The following PDE1C variants were observed in gnomAD, a reference collection of about 807,000 sequenced individuals.
PDE1C encodes the protein dual specificity calcium/calmodulin-dependent 3',5'-cyclic nucleotide phosphodiesterase 1C.
Under a neutral mutation model 93.1 loss-of-function variants are expected in PDE1C, and 62 were observed. That is an observed-to-expected ratio of 0.67 (90% CI 0.54 to 0.82). The LOEUF (loss-of-function observed/expected upper bound fraction) is 0.82, where lower values mean the gene tolerates loss of function less well. PDE1C is among the 40% of genes least tolerant of loss of function. The probability of loss-of-function intolerance (pLI) is 0.00; values close to 1 mark genes in which losing one functional copy is unlikely to be tolerated. For synonymous variants in PDE1C, 325 were observed against 310.1 expected, an observed-to-expected ratio of 1.05 and a Z score of -0.50; for missense variants, 742 against 884.6, an observed-to-expected ratio of 0.84 and a Z score of 2.04.
chr7:32,161,484 T>C (rs1176151824), intron 3 of PDE1C, among the ~76,000 whole-genome samples: 2 of 152,224 alleles, frequency 1.3e-5, no homozygotes, highest in African/African-American at 2.4e-5. Flanking sequence ...ACAATGAAGT[T>C]ATTGCTCATG....
chr7:32,123,982 A>T (rs1299536230), intron 3 of PDE1C, among the ~76,000 whole-genome samples: 1 of 152,236 alleles, frequency 6.6e-6, no homozygotes, highest in Non-Finnish European at 1.5e-5. Flanking sequence ...AAAACTCCTT[A>T]AGCTGATAAG....
the PDE1C span, among the ~76,000 whole-genome samples, chr7:31,632,675 T>C: frequency 6.6e-6 from 1 of 152,106 alleles, no homozygotes; most frequent in African/African-American, 2.4e-5. Flanking sequence ...AAGTGAAATC[T>C]AGCAGCAGGA....
the PDE1C span, among the ~76,000 whole-genome samples, chr7:31,700,450 A>G: frequency 1.3e-5 from 2 of 152,234 alleles, no homozygotes; most frequent in African/African-American, 4.8e-5. Flanking sequence ...AATTTGATTC[A>G]TGATATTTAA....
intron 1 of PDE1C, among the ~76,000 whole-genome samples, chr7:32,223,204 G>T (rs17161047): frequency 0.019 from 2,954 of 152,224 alleles, 110 homozygotes; most frequent in African/African-American, 0.067. Flanking sequence ...TCTCAAATCT[G>T]CCAAATGTAT....
At chr7:31,692,548 G>T in the PDE1C span, 1 of 1,564,410 alleles carries the variant, frequency 6.4e-7, no homozygotes, top group Non-Finnish European at 8.8e-7. Flanking sequence ...GATTGTGAAT[G>T]TCAGTGGTGG....
At chr7:32,332,887 G>A (rs748311166) in intron 1 of PDE1C, among the ~76,000 whole-genome samples, 32 of 152,146 alleles carry the variant, frequency 2.1e-4, no homozygotes, top group Admixed American at 6.5e-4. Flanking sequence ...GGAGGACCAT[G>A]GTGAATAGGC....
chr7:31,690,338 C>T, the PDE1C span, among the ~76,000 whole-genome samples: 1 of 152,182 alleles, frequency 6.6e-6, no homozygotes, highest in African/African-American at 2.4e-5. Context: ...ACAGTTACTC[C>T]ACCCAGTAGG....
At chr7:32,027,607 TAAAAAAAAAAAAAAAAA>T (rs551660766) in intron 2 of PDE1C, among the ~76,000 whole-genome samples, 930 of 78,484 alleles carry the variant, frequency 0.012, 11 homozygotes, top group African/African-American at 0.053. Context: ...TCAAAAATGG[TAAAAAAAAAAAAAAAAA>T]AAAAAAAAAA....
At chr7:31,828,156 G>C in intron 12 of PDE1C, 136 bp downstream of exon 12, 1 of 574,808 alleles carries the variant, frequency 1.7e-6, no homozygotes, top group Non-Finnish European at 3.1e-6. Context: ...TCCATAAATT[G>C]AATCAGGCAG....
At chr7:32,050,301 A>G (rs961030527) in intron 2 of PDE1C, among the ~76,000 whole-genome samples, 1 of 152,206 alleles carries the variant, frequency 6.6e-6, no homozygotes. Flanking sequence ...GAAAGCATCC[A>G]TGATCAGCTG....
At chr7:31,929,353 C>T (rs1243822536) in intron 2 of PDE1C, among the ~76,000 whole-genome samples, 1 of 152,000 alleles carries the variant, frequency 6.6e-6, no homozygotes, top group Non-Finnish European at 1.5e-5. Flanking sequence ...ACTTTAACAC[C>T]CCACTGTCAA....
chr7:32,271,813 C>T (rs1006821173), intron 1 of PDE1C, among the ~76,000 whole-genome samples: 1 of 152,194 alleles, frequency 6.6e-6, no homozygotes, highest in Admixed American at 6.5e-5. Context: ...GATCTCTCTA[C>T]TCCACCTTGG....
At chr7:31,794,261 A>C (rs1476150934) in intron 16 of PDE1C, among the ~76,000 whole-genome samples, 1 of 152,026 alleles carries the variant, frequency 6.6e-6, no homozygotes, top group Non-Finnish European at 1.5e-5. Flanking sequence ...TACAAAGAAC[A>C]GTTAGTTTAG....
chr7:32,285,756 GA>G (rs1232011563), intron 1 of PDE1C, among the ~76,000 whole-genome samples: 4 of 143,358 alleles, frequency 2.8e-5, no homozygotes, highest in East Asian at 4.2e-4. Flanking sequence ...GAAGAGAAGA[GA>G]GGGGGGAGAG....
chr7:32,133,227 G>T (rs1394027389), intron 3 of PDE1C, among the ~76,000 whole-genome samples: 2 of 152,184 alleles, frequency 1.3e-5, no homozygotes, highest in African/African-American at 4.8e-5. Flanking sequence ...ATACAGAAGA[G>T]CATGTCTAAC....
chr7:31,750,810 C>A (rs1327248496), downstream of PDE1C, among the ~76,000 whole-genome samples: 4 of 152,168 alleles, frequency 2.6e-5, no homozygotes, highest in Admixed American at 2.0e-4. Flanking sequence ...CGGCTCACTG[C>A]AAGCTCTGCC....
chr7:31,881,871 A>T (rs140238845), intron 2 of PDE1C, among the ~76,000 whole-genome samples: 1 of 152,334 alleles, frequency 6.6e-6, no homozygotes, highest in East Asian at 1.9e-4. Context: ...AGCTATTGTC[A>T]TTATTCAATG....
intron 2 of PDE1C, among the ~76,000 whole-genome samples, chr7:31,982,941 T>C (rs1020714176): frequency 6.6e-6 from 1 of 152,296 alleles, no homozygotes; most frequent in South Asian, 2.1e-4. Flanking sequence ...AAAAATTATA[T>C]AAAATCTACT....
chr7:32,272,831 A>C (rs1278753092), intron 1 of PDE1C, among the ~76,000 whole-genome samples: 5 of 152,260 alleles, frequency 3.3e-5, no homozygotes, highest in African/African-American at 1.2e-4. Context: ...TAAGCAATGA[A>C]CTGGAAAACA....
Sources: gnomAD v4.1 joint callset for allele counts (sites outside exome capture counted in the v4.1 genomes callset) on GRCh38, gnomAD v4.1.1 for gene constraint, MANE v1.5 for transcripts, NCBI Gene and HGNC (gene_info 2026-07-23, HGNC 2026-07-21) for gene names.